PLPP5: variants seen among roughly 807,000 people sequenced by gnomAD.
PLPP5 encodes phospholipid phosphatase 5.
PLPP5 carries 29 observed loss-of-function variants against 23.6 expected under a neutral mutation model. That is an observed-to-expected ratio of 1.23 (90% CI 0.92 to 1.68). The LOEUF (loss-of-function observed/expected upper bound fraction) is 1.68. PLPP5 is among the 40% of genes most tolerant of loss of function. The probability of loss-of-function intolerance (pLI) is 0.00; values close to 1 mark genes in which losing one functional copy is unlikely to be tolerated. For missense variants in PLPP5, 315 were observed against 332.1 expected (o/e 0.95, Z 0.40); for synonymous variants, 143 against 131.3 (o/e 1.09, Z -0.61).
At position 38,264,307 on chromosome 8, in the gene PLPP5, A is replaced by T; in HGVS notation, c.*137T>A. On this transcript the variant is annotated 3_prime_UTR_variant, in exon 7 of 7. Coordinates refer to ENST00000424479, the MANE Select transcript of PLPP5 (RefSeq NM_001102559.2). ...GGATTACGGCACACAACTCCTGGCT[A>T]ATTTTTGTATTTTTAGTAGAGACAG... The T allele has an allele frequency of 1.3e-6, 1 of 787,744 alleles. No homozygotes were observed. The highest frequency in any genetic ancestry group is 1.8e-6 in the Non-Finnish European group (1 of 553,976). The allele number at this position is 787,744 out of a possible 1,614,324, so 48.8% of individuals were successfully genotyped here.
chr8:38,265,999 G>T, intron 6 of PLPP5, 142 bp downstream of exon 6: 1 of 545,358 alleles, frequency 1.8e-6, no homozygotes, highest in South Asian at 7.2e-5. Context: ...AATTTTAAAT[G>T]TACTTAGTAC....
At chr8:38,268,789 C>A (rs1315143975) in intron 2 of PLPP5, 93 bp downstream of exon 2, 14 of 1,443,154 alleles carry the variant, frequency 9.7e-6, no homozygotes, top group South Asian at 1.5e-5. Flanking sequence ...GGCAGTGGGT[C>A]CCTACAAAGG....
At chr8:38,268,743 C>G in intron 2 of PLPP5, 139 bp downstream of exon 2, 2 of 1,434,244 alleles carry the variant, frequency 1.4e-6, no homozygotes, top group Non-Finnish European at 1.8e-6. Context: ...ACACTCGAGC[C>G]CTAGGAGGCG....
At chr8:38,267,202 G>A in intron 5 of PLPP5, 65 bp downstream of exon 5, 1 of 1,613,210 alleles carries the variant, frequency 6.2e-7, no homozygotes. Flanking sequence ...ATCCCTACTA[G>A]CTTTCTAGGT....
rs1384298829 is a variant in PLPP5, at chr8:38,268,955, A to G, written c.110T>C (p.Ile37Thr). Residue 37 changes from isoleucine to threonine, a missense_variant, in exon 2 of 7, where the codon ATC becomes ACC. By Grantham distance (89) the Ile-to-Thr change is moderately conservative. Transcript: ENST00000424479. ...TELLPPFQRL[I>T]QPEEMWLYRN... is the part of the protein sequence containing the mutation. ...GTAGAGCCACATCTCCTCCGGCTGGATGAGTCTCTGGAACGGGGGGAGCAG... is the reference window on the plus strand; with the variant it reads ...GTAGAGCCACATCTCCTCCGGCTGGGTGAGTCTCTGGAACGGGGGGAGCAG... 6.4e-7 allele frequency: 1 copy of G among 1,567,468 alleles called. No individual in the cohort carries two copies. The highest frequency in any genetic ancestry group is 8.6e-7 in the Non-Finnish European group (1 of 1,162,798).
chr8:38,268,185 G>C, intron 3 of PLPP5, 186 bp downstream of exon 3: 2 of 1,170,818 alleles, frequency 1.7e-6, no homozygotes, highest in Non-Finnish European at 2.3e-6. Context: ...TTTAGGCACA[G>C]GGCTGCCTGC....
chr8:38,269,075 C>CGCCT, intron 1 of PLPP5, 51 bp downstream of exon 1: 5 of 1,525,708 alleles, frequency 3.3e-6, no homozygotes, highest in South Asian at 1.2e-5. Context: ...CCGTGCCGCC[C>CGCCT]GCCTGCCTGG....
Position 38,268,885 on chromosome 8 carries a change from C to T in PLPP5, c.180G>A (p.Met60Ile), listed in dbSNP as rs1189904816. Residue 60 changes from methionine (M) to isoleucine (I), a missense_variant, in exon 2 of 7, where the codon ATG (methionine) becomes ATA (isoleucine). Met to Ile is a conservative substitution (Grantham distance 10, BLOSUM62 1). Transcript: ENST00000424479. ...AAGACGATCTTTCTCCACGCACAAA[C>T]ATCGGCTTGGTGGGGAAATACTCCG... Reference protein sequence around the residue: ...VEAEYFPTKPMFVIAFLSPLS... With the variant: ...VEAEYFPTKPIFVIAFLSPLS... The T allele has an allele frequency of 6.4e-7, 1 of 1,552,896 alleles. No individual in the cohort carries two copies. The highest frequency in any genetic ancestry group is 1.2e-5 in the South Asian group (1 of 83,136).
chr8:38,269,082 C>G, intron 1 of PLPP5, 44 bp downstream of exon 1: 2 of 1,528,034 alleles, frequency 1.3e-6, no homozygotes, highest in South Asian at 2.4e-5. Context: ...GCCCGCCTGC[C>G]TGGGAAGCGG....
rs2130903817 is a variant in PLPP5 at position 38,263,185 on chromosome 8, C to G, written c.*1259G>C. 1 of 156,494 alleles carries G rather than the reference C, an allele frequency of 6.4e-6. No homozygotes were observed. The highest frequency in any genetic ancestry group is 1.4e-5 in the Non-Finnish European group (1 of 71,878). The allele number at this position is 156,494 out of a possible 1,614,324, so 9.7% of individuals were successfully genotyped here. On this transcript the variant is annotated 3_prime_UTR_variant, in exon 7 of 7. Coordinates refer to ENST00000424479, the MANE Select transcript of PLPP5 (RefSeq NM_001102559.2). ...AAAAGATACATTGAAAATATAGGAA[C>G]ATACACATAAAAGACAATGTCATAT... is the stretch of plus-strand genomic sequence containing the variant.
rs897503129 is a variant in PLPP5, at chr8:38,269,177, A to ACCGCCG, written c.17_22dup (p.Ala6_Ala7dup). The stretch of plus-strand genomic sequence containing the variant: ...CACGCCCACTTCGGCCCCAAAGGCC[A>ACCGCCG]CCGCCGCCGCCGCCTTCCCCATCCG... On this transcript the variant is annotated inframe_insertion, in exon 1 of 7. Transcript: ENST00000424479. 4.7e-6 allele frequency: 7 copies of ACCGCCG among 1,505,046 alleles called. No individual in the cohort carries two copies. The highest frequency in any genetic ancestry group is 6.2e-6 in the Non-Finnish European group (7 of 1,134,804). 93.2% of individuals were successfully genotyped at this position (1,505,046 alleles called of 1,614,324 possible).
chr8:38,264,062 G>A lies in PLPP5; in HGVS notation c.*382C>T. 7 of 989,938 alleles carry A rather than the reference G, an allele frequency of 7.1e-6. No individual in the cohort carries two copies. The highest frequency in any genetic ancestry group is 8.4e-6 in the Non-Finnish European group (7 of 832,986). 61.3% of individuals were successfully genotyped at this position (989,938 alleles called of 1,614,324 possible). A position where few individuals can be genotyped will look rare whatever the true frequency, so the allele number is the denominator to read the frequency against. ...TGGCTTATGTCCTCACTTGCACCTT[G>A]GAAGGGGAAAAAAAGGCTAGAATTT... On this transcript the variant is annotated 3_prime_UTR_variant, in exon 7 of 7. Transcript: ENST00000424479.
chr8:38,267,543 G>GA, intron 4 of PLPP5, 152 bp from the exon 5 acceptor site: 1 of 870,070 alleles, frequency 1.1e-6, no homozygotes, highest in African/African-American at 1.8e-5. Flanking sequence ...CACACTAAGA[G>GA]AAAAGCCTTT....
intron 2 of PLPP5, 157 bp from the exon 3 acceptor site, chr8:38,268,618 C>T: frequency 6.9e-7 from 1 of 1,442,196 alleles, no homozygotes; most frequent in Non-Finnish European, 9.1e-7. Flanking sequence ...CAGTGAACAG[C>T]AGCGCCCGTG....
At chr8:38,268,853 G>A (rs1051002960) in intron 2 of PLPP5, 29 bp downstream of exon 2, 16 of 1,526,604 alleles carry the variant, frequency 1.0e-5, no homozygotes, top group Admixed American at 2.3e-5. Context: ...GTCATGGGGA[G>A]GGAGGAAAGA....
At chr8:38,267,989 A>T (rs1407428461) in intron 3 of PLPP5, 29 bp from the exon 4 acceptor site, 1 of 1,613,946 alleles carries the variant, frequency 6.2e-7, no homozygotes, top group Non-Finnish European at 8.5e-7. Context: ...AGTTGAAAGG[A>T]TCTGTCTAGG....
Position 38,263,306 on chromosome 8 carries a change from A to G in PLPP5, c.*1138T>C. Reference sequence around the variant, plus strand: ...AATTGTTCCTTATATTCCATTGTGAAGAAGGGGCAGAAAAAGATTCATCTG... The same window carrying G: ...AATTGTTCCTTATATTCCATTGTGAGGAAGGGGCAGAAAAAGATTCATCTG... On this transcript the variant is annotated 3_prime_UTR_variant, in exon 7 of 7. Coordinates refer to ENST00000424479, the MANE Select transcript of PLPP5 (RefSeq NM_001102559.2). 1.2e-6 allele frequency: 1 copy of G among 824,020 alleles called. No homozygotes were observed. The highest frequency in any genetic ancestry group is 1.5e-6 in the Non-Finnish European group (1 of 682,722). The allele number at this position is 824,020 out of a possible 1,614,324, so 51.0% of individuals were successfully genotyped here.
At position 38,263,805 on chromosome 8, in the gene PLPP5, G is replaced by A. The variant is rs1179912852; in HGVS notation, c.*639C>T. Reference sequence around the variant, plus strand: ...AGCTTCTGAGACAAGGTGGGGCTATGTAAAGGCTTCTTTGTGACAAGATCC... The same window carrying A: ...AGCTTCTGAGACAAGGTGGGGCTATATAAAGGCTTCTTTGTGACAAGATCC... On this transcript the variant is annotated 3_prime_UTR_variant, in exon 7 of 7. Transcript: ENST00000424479. 1.0e-6 allele frequency: 1 copy of A among 985,116 alleles called. No individual in the cohort carries two copies. Among genetic ancestry groups the A allele is most frequent in the Non-Finnish European group, 1.2e-6 (1 of 829,756 alleles). 61.0% of individuals were successfully genotyped at this position (985,116 alleles called of 1,614,324 possible). A position where few individuals can be genotyped will look rare whatever the true frequency, so the allele number is the denominator to read the frequency against.
At position 38,268,898 on chromosome 8, in the gene PLPP5, G is replaced by T. The variant is rs183632132; in HGVS notation, c.167C>A (p.Pro56His). 1.0e-5 allele frequency: 16 copies of T among 1,556,512 alleles called. No individual in the cohort carries two copies. The South Asian group carries it at 1.8e-4, about 17-fold the overall frequency. Residue 56 changes from proline to histidine, a missense_variant, in exon 2 of 7, where the codon CCC becomes CAC. By Grantham distance (77) the Pro-to-His change is moderately conservative. Transcript: ENST00000424479. Reference sequence around the variant, plus strand: ...TCCACGCACAAACATCGGCTTGGTGGGGAAATACTCCGCCTCCACGTAGGG... The same window carrying T: ...TCCACGCACAAACATCGGCTTGGTGTGGAAATACTCCGCCTCCACGTAGGG... ...RNPYVEAEYFPTKPMFVIAFL... is the reference protein window; with the variant it reads ...RNPYVEAEYFHTKPMFVIAFL...
Sources: allele counts gnomAD v4.1 joint callset, GRCh38; gene constraint gnomAD v4.1.1; transcripts MANE v1.5; gene names NCBI Gene and HGNC (gene_info 2026-07-23, HGNC 2026-07-21).